The following ZC3H11C variants were observed in gnomAD, a reference collection of about 807,000 sequenced individuals.
The protein encoded by ZC3H11C is zinc finger CCCH domain-containing protein 11C.
chr6:65,303,410 C>T, the ZC3H11C span: 1 of 1,612,886 alleles, frequency 6.2e-7, no homozygotes, highest in Non-Finnish European at 8.5e-7. Flanking sequence ...TGACAGTGAT[C>T]CTCCATTAAA....
chr6:65,301,493 A>C, the ZC3H11C span, among the ~76,000 whole-genome samples: 43 of 152,152 alleles, frequency 2.8e-4, no homozygotes, highest in Non-Finnish European at 4.6e-4. Flanking sequence ...GTTTTCTGCT[A>C]GTGCTGCTGC....
At chr6:65,305,497 C>T in the ZC3H11C span, among the ~76,000 whole-genome samples, 2 of 152,196 alleles carry the variant, frequency 1.3e-5, no homozygotes, top group Admixed American at 1.3e-4. Context: ...GAGGGCTGAG[C>T]AGCTCAGGAA....
At chr6:65,302,351 G>A in the ZC3H11C span, among the ~76,000 whole-genome samples, 1 of 152,146 alleles carries the variant, frequency 6.6e-6, no homozygotes, top group Non-Finnish European at 1.5e-5. Context: ...AGACACAGAC[G>A]TTCCTGTTGA....
the ZC3H11C span, among the ~76,000 whole-genome samples, chr6:65,301,692 C>T: frequency 6.6e-6 from 1 of 152,266 alleles, no homozygotes; most frequent in African/African-American, 2.4e-5. Context: ...ACTCCCACCC[C>T]TGGCCCTCAG....
At chr6:65,305,035 G>C in the ZC3H11C span, 5,655 of 130,718 alleles carry the variant, frequency 0.043, 120 homozygotes, top group South Asian at 0.08. Context: ...ATTTACCTGA[G>C]ATGATCATTT....
chr6:65,305,825 C>A, the ZC3H11C span, among the ~76,000 whole-genome samples: 27 of 152,100 alleles, frequency 1.8e-4, no homozygotes, highest in African/African-American at 6.5e-4. Flanking sequence ...TCCCAACAAA[C>A]CCCTGTTGCC....
chr6:65,306,494 A>G, the ZC3H11C span, among the ~76,000 whole-genome samples: 1 of 152,168 alleles, frequency 6.6e-6, no homozygotes, highest in East Asian at 1.9e-4. Flanking sequence ...CGCTTTTGGA[A>G]TCAGCTTACA....
chr6:65,303,998 AC>A, the ZC3H11C span: 1 of 994,186 alleles, frequency 1.0e-6, no homozygotes, highest in Non-Finnish European at 1.6e-6. Flanking sequence ...TGAGAGCAGC[AC>A]CAGCTCCCCG....
the ZC3H11C span, among the ~76,000 whole-genome samples, chr6:65,301,528 C>T: frequency 2.7e-4 from 41 of 152,172 alleles, no homozygotes; most frequent in African/African-American, 9.2e-4. Flanking sequence ...CGGACGGCAG[C>T]GGCCAAGCGA....
chr6:65,305,320 A>G, the ZC3H11C span, among the ~76,000 whole-genome samples: 2 of 152,190 alleles, frequency 1.3e-5, no homozygotes, highest in Non-Finnish European at 2.9e-5. Flanking sequence ...TGTATTCTTT[A>G]TGTATTGTCT....
chr6:65,301,695 G>A, the ZC3H11C span, among the ~76,000 whole-genome samples: 4 of 152,228 alleles, frequency 2.6e-5, no homozygotes, highest in East Asian at 1.9e-4. Context: ...CCCACCCCTG[G>A]CCCTCAGCGT....
At chr6:65,302,045 T>C in the ZC3H11C span, among the ~76,000 whole-genome samples, 1 of 152,242 alleles carries the variant, frequency 6.6e-6, no homozygotes, top group Non-Finnish European at 1.5e-5. Context: ...CTATGGAAGA[T>C]GGATTTTTTT....
chr6:65,305,914 G>A, the ZC3H11C span, among the ~76,000 whole-genome samples: 261 of 152,262 alleles, frequency 1.7e-3, 1 homozygote, highest in African/African-American at 5.8e-3. Flanking sequence ...TCTATGGGCT[G>A]TAGCAGTACA....
At chr6:65,301,864 A>G in the ZC3H11C span, among the ~76,000 whole-genome samples, 4 of 152,322 alleles carry the variant, frequency 2.6e-5, no homozygotes, top group Admixed American at 2.6e-4. Context: ...GGACCTTGAG[A>G]AGGAGGCTGT....
At chr6:65,304,445 G>GA in the ZC3H11C span, 2 of 520,424 alleles carry the variant, frequency 3.8e-6, no homozygotes, top group East Asian at 3.2e-5. Flanking sequence ...ACAGACCTTG[G>GA]AAAAAAGGGG....
chr6:65,303,010 TG>T, the ZC3H11C span: 1 of 1,484,640 alleles, frequency 6.7e-7, no homozygotes, highest in Non-Finnish European at 9.4e-7. Context: ...CAGATGATGA[TG>T]AAGATGATGA....
the ZC3H11C span, among the ~76,000 whole-genome samples, chr6:65,301,938 A>G: frequency 6.6e-6 from 1 of 152,262 alleles, no homozygotes; most frequent in Non-Finnish European, 1.5e-5. Context: ...AATTCCTGGA[A>G]AATTGACTAG....
chr6:65,305,517 G>T, the ZC3H11C span, among the ~76,000 whole-genome samples: 11 of 152,210 alleles, frequency 7.2e-5, no homozygotes, highest in Admixed American at 2.0e-4. Flanking sequence ...AGCCTGTAAT[G>T]TGGGCATAAC....
the ZC3H11C span, chr6:65,304,987 ATCGCC>A: frequency 6.0e-6 from 1 of 167,892 alleles, no homozygotes; most frequent in Non-Finnish European, 1.1e-5. Flanking sequence ...TTAAAAAAAA[ATCGCC>A]AAAAAACTGG....
Sources: allele counts gnomAD v4.1 joint callset (sites outside exome capture counted in the v4.1 genomes callset), GRCh38; gene constraint gnomAD v4.1.1; transcripts MANE v1.5; gene names NCBI Gene and HGNC (gene_info 2026-07-23, HGNC 2026-07-21).